The following PDE7B variants were observed in gnomAD, a reference collection of about 807,000 sequenced individuals.
The protein encoded by PDE7B is phosphodiesterase 7B, also known as 3',5'-cyclic-AMP phosphodiesterase 7B.
Under a neutral mutation model 56.2 loss-of-function variants are expected in PDE7B, and 29 were observed. That is an observed-to-expected ratio of 0.52 (90% CI 0.38 to 0.70). The LOEUF (loss-of-function observed/expected upper bound fraction) is 0.70, where lower values mean the gene tolerates loss of function less well. PDE7B is among the 30% of genes least tolerant of loss of function. The probability of loss-of-function intolerance (pLI) is 0.00; values close to 1 mark genes in which losing one functional copy is unlikely to be tolerated. For synonymous variants in PDE7B, 197 were observed against 196.9 expected (o/e 1.00, Z 0.00); for missense variants, 490 against 565.0 (o/e 0.87, Z 1.35).
intron 2 of PDE7B, among the ~76,000 whole-genome samples, chr6:136,102,498 C>T (rs1777579529): frequency 6.6e-6 from 1 of 152,148 alleles, no homozygotes; most frequent in South Asian, 2.1e-4. Flanking sequence ...TACACCCATC[C>T]GTGTTTTCAT....
chr6:135,995,217 G>A (rs574030854), intron 2 of PDE7B, among the ~76,000 whole-genome samples: 6 of 81,450 alleles, frequency 7.4e-5, no homozygotes, highest in East Asian at 3.5e-4. Flanking sequence ...CCGGCCCCAC[G>A]CTCCATACAT....
At chr6:136,140,358 G>A (rs1164960297) in intron 3 of PDE7B, among the ~76,000 whole-genome samples, 1 of 152,178 alleles carries the variant, frequency 6.6e-6, no homozygotes. Context: ...GTACCATGCT[G>A]TTTTGGTTAC....
At chr6:136,123,596 A>G (rs1230862002) in intron 3 of PDE7B, among the ~76,000 whole-genome samples, 1 of 152,230 alleles carries the variant, frequency 6.6e-6, no homozygotes, top group Non-Finnish European at 1.5e-5. Context: ...GGGAATTGCC[A>G]AACAAGGATA....
intron 2 of PDE7B, among the ~76,000 whole-genome samples, chr6:135,965,987 G>T (rs1250782335): frequency 6.6e-6 from 1 of 152,254 alleles, no homozygotes; most frequent in East Asian, 1.9e-4. Context: ...TAAGGAAAAA[G>T]TGCCTGCAGT....
At chr6:136,004,347 G>A (rs1775735907) in intron 2 of PDE7B, among the ~76,000 whole-genome samples, 1 of 152,102 alleles carries the variant, frequency 6.6e-6, no homozygotes, top group South Asian at 2.1e-4. Context: ...TGGAAGTTCT[G>A]GCCAGGGCAA....
intron 2 of PDE7B, among the ~76,000 whole-genome samples, chr6:136,062,670 G>T (rs1355973985): frequency 6.6e-6 from 1 of 152,176 alleles, no homozygotes; most frequent in African/African-American, 2.4e-5. Context: ...TTACAGGCAC[G>T]AGAAGAGCAG....
At chr6:136,007,534 C>A (rs1170866057) in intron 2 of PDE7B, among the ~76,000 whole-genome samples, 4 of 151,836 alleles carry the variant, frequency 2.6e-5, no homozygotes, top group African/African-American at 9.7e-5. Flanking sequence ...TTAATCTCTC[C>A]TAATCTTAGT....
intron 6 of PDE7B, among the ~76,000 whole-genome samples, chr6:136,151,930 ACT>A (rs1491260093): frequency 6.6e-6 from 1 of 150,970 alleles, no homozygotes; most frequent in African/African-American, 2.5e-5. Context: ...ACAGTGCAAG[ACT>A]CTGTCTTAAA....
intron 1 of PDE7B, among the ~76,000 whole-genome samples, chr6:135,944,894 A>G (rs1562448424): frequency 6.6e-6 from 1 of 152,074 alleles, no homozygotes. Context: ...TTCACAACAC[A>G]TGTCTGGACT....
chr6:135,919,938 C>T (rs926450259), intron 1 of PDE7B, among the ~76,000 whole-genome samples: 12 of 152,082 alleles, frequency 7.9e-5, no homozygotes, highest in African/African-American at 2.9e-4. Context: ...TTAAAATTAG[C>T]TCATTTAGCC....
At chr6:136,023,583 G>C (rs1312239846) in intron 2 of PDE7B, among the ~76,000 whole-genome samples, 3 of 152,166 alleles carry the variant, frequency 2.0e-5, no homozygotes, top group African/African-American at 7.2e-5. Context: ...TTCGAGCAGA[G>C]CATCTTTCTT....
chr6:135,853,433 C>G (rs1562410247), intron 1 of PDE7B, among the ~76,000 whole-genome samples: 1 of 152,230 alleles, frequency 6.6e-6, no homozygotes, highest in Non-Finnish European at 1.5e-5. Flanking sequence ...GTGTTGCAAA[C>G]GCATAACTGC....
At chr6:135,868,267 C>G (rs960262210) in intron 1 of PDE7B, among the ~76,000 whole-genome samples, 2 of 151,836 alleles carry the variant, frequency 1.3e-5, no homozygotes, top group African/African-American at 4.8e-5. Context: ...GAGTTTTTGT[C>G]CTTGTCTTGG....
chr6:136,160,690 A>C (rs1778689540), intron 8 of PDE7B, among the ~76,000 whole-genome samples: 1 of 152,154 alleles, frequency 6.6e-6, no homozygotes, highest in African/African-American at 2.4e-5. Context: ...GATTGAGTCC[A>C]AATGACTTAA....
intron 2 of PDE7B, among the ~76,000 whole-genome samples, chr6:136,099,802 C>CT (rs1248020369): frequency 3.3e-5 from 5 of 152,190 alleles, no homozygotes; most frequent in African/African-American, 9.6e-5. Flanking sequence ...TGTATTTTGG[C>CT]TTTTTTTGCC....
At chr6:135,943,736 G>A (rs949717327) in intron 1 of PDE7B, among the ~76,000 whole-genome samples, 1 of 152,152 alleles carries the variant, frequency 6.6e-6, no homozygotes, top group Admixed American at 6.5e-5. Flanking sequence ...AATCCACAAA[G>A]ATTTATGAAG....
intron 9 of PDE7B, 122 bp downstream of exon 9, chr6:136,174,010 T>G: frequency 1.5e-6 from 1 of 688,794 alleles, no homozygotes; most frequent in Non-Finnish European, 2.6e-6. Context: ...ACTTCCTGCC[T>G]GCACTGAGCT....
intron 3 of PDE7B, among the ~76,000 whole-genome samples, chr6:136,143,463 T>C (rs1583905722): frequency 6.6e-6 from 1 of 152,008 alleles, no homozygotes; most frequent in African/African-American, 2.4e-5. Flanking sequence ...GTGATCACAG[T>C]GTATCATATC....
At position 135,926,495 on chromosome 6, in the gene PDE7B, G is replaced by A. The variant is rs55892396; in HGVS notation, c.22-20969G>A. On this transcript the variant is annotated intron_variant, in intron 1 of 12. Coordinates refer to ENST00000308191, the MANE Select transcript of PDE7B (RefSeq NM_018945.4). ...ATGGTACTGAACTGCGGGTGGGGGGGGCTTAGCAAAACCTGTGTGTTCACA... is the reference window on the plus strand; with the variant it reads ...ATGGTACTGAACTGCGGGTGGGGGGAGCTTAGCAAAACCTGTGTGTTCACA... Among the ~76,000 whole-genome samples the A allele has an allele frequency of 3.6e-3, 540 of 151,812 alleles. 2 individuals carry two copies. Among genetic ancestry groups the A allele is most frequent in the Non-Finnish European group, 5.4e-3 (368 of 67,942 alleles).
Sources: gnomAD v4.1 joint callset for allele counts (sites outside exome capture counted in the v4.1 genomes callset) on GRCh38, gnomAD v4.1.1 for gene constraint, MANE v1.5 for transcripts, NCBI Gene and HGNC (gene_info 2026-07-23, HGNC 2026-07-21) for gene names.